Variants in OSBPL9 observed in about 807,000 individuals in gnomAD.
OSBPL9 encodes oxysterol binding protein like 9.
In OSBPL9, 40 loss-of-function variants were observed where a neutral mutation model predicts 106.6. The ratio of observed to expected loss-of-function variants is 0.38; its 90% CI spans 0.29 to 0.49. OSBPL9 has a LOEUF of 0.49. OSBPL9 is among the 20% of genes least tolerant of loss of function. The pLI, the probability that OSBPL9 is intolerant of heterozygous loss-of-function variation, is 0.97. For synonymous variants in OSBPL9, 269 were observed against 295.4 expected (o/e 0.91, Z 0.92); for missense variants, 609 against 887.2 (o/e 0.69, Z 3.98).
chr1:51,725,046 C>G (rs988079798), intron 4 of OSBPL9: 1 of 151,212 alleles, frequency 6.6e-6, no homozygotes, highest in African/African-American at 2.4e-5. Context: ...TCTGTTTCTT[C>G]TTCTGGTGTT....
intron 4 of OSBPL9, among the ~76,000 whole-genome samples, chr1:51,714,914 G>A (rs1473616682): frequency 3.3e-5 from 5 of 152,240 alleles, no homozygotes; most frequent in East Asian, 3.9e-4. Context: ...TACCCAACCC[G>A]ACCCGCACCA....
At chr1:51,753,469 T>A (rs1392820913) in intron 8 of OSBPL9, among the ~76,000 whole-genome samples, 2 of 152,186 alleles carry the variant, frequency 1.3e-5, no homozygotes, top group Non-Finnish European at 2.9e-5. Flanking sequence ...AAAGTGACAG[T>A]AACACATCTG....
intron 4 of OSBPL9, among the ~76,000 whole-genome samples, chr1:51,739,704 C>T (rs1285008477): frequency 6.6e-6 from 1 of 151,964 alleles, no homozygotes; most frequent in South Asian, 2.1e-4. Flanking sequence ...AAAATCTTAA[C>T]CCCAGAACTT....
intron 4 of OSBPL9, among the ~76,000 whole-genome samples, chr1:51,717,917 T>C (rs1296441318): frequency 6.6e-6 from 1 of 152,186 alleles, no homozygotes; most frequent in African/African-American, 2.4e-5. Context: ...CACCCAGGTT[T>C]ATTGCAGCAC....
the OSBPL9 span, chr1:51,562,013 G>A: frequency 6.6e-6 from 1 of 152,168 alleles, no homozygotes; most frequent in South Asian, 2.1e-4. Context: ...GATTTTCAAT[G>A]ATCCAAGGTT....
rs530919704 is a variant in OSBPL9 at position 51,662,775 on chromosome 1, C to T, written c.163-6659C>T. 2.1e-3 allele frequency among the ~76,000 whole-genome samples: 286 copies of T among 137,838 alleles called. 3 individuals are homozygous for T. Among genetic ancestry groups the T allele is most frequent in the Admixed American group, 2.3e-3 (31 of 13,306 alleles). 90.4% of individuals were successfully genotyped at this position (137,838 alleles called of 152,430 possible). On this transcript the variant is annotated intron_variant, in intron 2 of 23. Coordinates refer to ENST00000428468, the MANE Select transcript of OSBPL9 (RefSeq NM_024586.6). ...TTTTTTTTTTTTTGAGACAGAGTCT[C>T]GCTCTGTCGCCCAGGGTGGAGTGCA...
At chr1:51,700,755 A>C (rs1449930724) in intron 3 of OSBPL9, among the ~76,000 whole-genome samples, 1 of 152,118 alleles carries the variant, frequency 6.6e-6, no homozygotes, top group Non-Finnish European at 1.5e-5. Flanking sequence ...ATTATTATTT[A>C]TTCATTTGGG....
intron 2 of OSBPL9, among the ~76,000 whole-genome samples, chr1:51,652,952 T>C: frequency 6.6e-6 from 1 of 152,238 alleles, no homozygotes. Context: ...CACCTTTTTT[T>C]CTGCATCCTT....
intron 4 of OSBPL9, among the ~76,000 whole-genome samples, chr1:51,736,312 T>C (rs79117528): frequency 0.018 from 2,786 of 152,306 alleles, 47 homozygotes; most frequent in African/African-American, 0.044. Flanking sequence ...CAGCTAAAAT[T>C]AGATATACGA....
the OSBPL9 span, chr1:51,566,631 T>C: frequency 6.6e-6 from 1 of 152,260 alleles, no homozygotes; most frequent in African/African-American, 2.4e-5. Flanking sequence ...GTTCCCTGAA[T>C]GCCACCACCC....
At chr1:51,594,638 G>A (rs150580280) in intron 1 of OSBPL9, among the ~76,000 whole-genome samples, 5 of 152,272 alleles carry the variant, frequency 3.3e-5, no homozygotes, top group East Asian at 1.9e-4. Context: ...TGCAAGATCC[G>A]TATTGTCCTC....
At chr1:51,705,607 G>A (rs931510138) in intron 3 of OSBPL9, among the ~76,000 whole-genome samples, 1 of 150,992 alleles carries the variant, frequency 6.6e-6, no homozygotes, top group Non-Finnish European at 1.5e-5. Context: ...TAGAGTTGGG[G>A]TTTCTCCATG....
At chr1:51,764,531 A>G (rs1214628180) in intron 11 of OSBPL9, among the ~76,000 whole-genome samples, 2 of 151,444 alleles carry the variant, frequency 1.3e-5, no homozygotes, top group Admixed American at 6.6e-5. Context: ...TTTCACAACT[A>G]TTGAACCATA....
At chr1:51,532,009 C>T in the OSBPL9 span, among the ~76,000 whole-genome samples, 2 of 152,140 alleles carry the variant, frequency 1.3e-5, no homozygotes, top group Admixed American at 6.6e-5. Context: ...AGTGAGAAAG[C>T]ATGTCAAATC....
intron 3 of OSBPL9, chr1:51,707,209 A>G: frequency 2.7e-6 from 1 of 364,738 alleles, no homozygotes; most frequent in Non-Finnish European, 5.6e-6. Flanking sequence ...TCATTGTCAT[A>G]CCAGGAATTG....
intron 3 of OSBPL9, among the ~76,000 whole-genome samples, chr1:51,705,376 C>CTCATATATAT (rs1447902837): frequency 2.4e-5 from 1 of 41,654 alleles, no homozygotes; most frequent in African/African-American, 1.1e-4. Flanking sequence ...TAGGGTGTTT[C>CTCATATATAT]ATATATATAT....
intron 3 of OSBPL9, among the ~76,000 whole-genome samples, chr1:51,674,727 T>A (rs1354692650): frequency 6.6e-6 from 1 of 152,226 alleles, no homozygotes; most frequent in African/African-American, 2.4e-5. Flanking sequence ...ATTTTTACTG[T>A]ACTTTTTCTA....
At chr1:51,698,553 G>T (rs972010858) in intron 3 of OSBPL9, among the ~76,000 whole-genome samples, 22 of 152,166 alleles carry the variant, frequency 1.4e-4, no homozygotes, top group African/African-American at 5.1e-4. Flanking sequence ...ATTGTGGGTC[G>T]CAGTCAAACA....
At chr1:51,696,501 G>T (rs1167488157) in intron 3 of OSBPL9, among the ~76,000 whole-genome samples, 1 of 152,138 alleles carries the variant, frequency 6.6e-6, no homozygotes, top group Non-Finnish European at 1.5e-5. Flanking sequence ...TTTAGAAAAG[G>T]CAAGTTCAGT....
Sources: gnomAD v4.1 joint callset for allele counts (sites outside exome capture counted in the v4.1 genomes callset) on GRCh38, gnomAD v4.1.1 for gene constraint, MANE v1.5 for transcripts, NCBI Gene and HGNC (gene_info 2026-07-23, HGNC 2026-07-21) for gene names.